CHP2: variants seen among roughly 807,000 people sequenced by gnomAD.
CHP2 encodes calcineurin like EF-hand protein 2.
In CHP2, 31 loss-of-function variants were observed where a neutral mutation model predicts 24.7. The ratio of observed to expected loss-of-function variants is 1.26; its 90% CI spans 0.94 to 1.69. The LOEUF (loss-of-function observed/expected upper bound fraction) is 1.69. Ranked by LOEUF, CHP2 falls within the 40% of genes most tolerant of loss-of-function variation. CHP2 has a pLI of 0.00. For missense variants in CHP2, 319 were observed against 261.5 expected (o/e 1.22, Z -1.52); for synonymous variants, 97 against 99.1 (o/e 0.98, Z 0.13).
At chr16:23,757,479 C>A (rs764479716) in intron 6 of CHP2, 51 bp from the exon 7 acceptor site, 12 of 1,597,496 alleles carry the variant, frequency 7.5e-6, no homozygotes, top group Non-Finnish European at 1.0e-5. Flanking sequence ...AGGTTGGGAG[C>A]ATGGAGAGCT....
Position 23,755,031 on chromosome 16 carries a change from T to C in CHP2, c.-19T>C. 6.4e-7 allele frequency: 1 copy of C among 1,573,446 alleles called. No homozygotes were observed. Among genetic ancestry groups the C allele is most frequent in the Non-Finnish European group, 8.6e-7 (1 of 1,163,916 alleles). On this transcript the variant is annotated 5_prime_UTR_variant, in exon 1 of 7. Coordinates refer to ENST00000300113, the MANE Select transcript of CHP2 (RefSeq NM_022097.4). ...TGGGTCCGGGTGGCTGCTCCGGCCC[T>C]TCCGCCTCCAGCTCGGCCATGGGGT...
rs16972893 is a variant in CHP2, at chr16:23,757,587, C to T, written c.*4C>T. On this transcript the variant is annotated 3_prime_UTR_variant, in exon 7 of 7. Transcript: ENST00000300113. ...GAGCATCCGGATCCTGAAGTGACTC[C>T]GTTTGTGCCTTGGGCTTGCTCCTGC... is the stretch of plus-strand genomic sequence containing the variant. 10,701 of 1,613,672 alleles carry T rather than the reference C, an allele frequency of 6.6e-3. 580 individuals are homozygous for T. The African/African-American group carries it at 0.12, about 18-fold the overall frequency.
Position 23,757,330 on chromosome 16 carries a change from G to C in CHP2, c.537+7G>C. On this transcript the variant is annotated splice_region_variant and intron_variant, in intron 6 of 6. Coordinates refer to ENST00000300113, the MANE Select transcript of CHP2 (RefSeq NM_022097.4). ...CTTCGTGGAGTTCACCAAGGTCAGA[G>C]TGCCCTTGGGGATTGGGGAGTTGAG... The C allele has an allele frequency of 6.2e-7, 1 of 1,608,188 alleles. No individual in the cohort carries two copies. Among genetic ancestry groups the C allele is most frequent in the East Asian group, 2.2e-5 (1 of 44,810 alleles).
intron 1 of CHP2, 94 bp from the exon 2 acceptor site, chr16:23,755,567 C>T: frequency 9.2e-7 from 1 of 1,088,370 alleles, no homozygotes; most frequent in Non-Finnish European, 1.4e-6. Flanking sequence ...AGCCAGCCCC[C>T]GCTGTTCTGG....
At chr16:23,757,070 G>C in intron 5 of CHP2, 131 bp from the exon 6 acceptor site, 1 of 1,076,602 alleles carries the variant, frequency 9.3e-7, no homozygotes, top group South Asian at 1.3e-5. Flanking sequence ...GGGGGATATG[G>C]TGAAAAATGG....
rs1301982521 is a variant in CHP2, at chr16:23,758,815, G to A, written c.*1232G>A. 1.3e-5 allele frequency: 2 copies of A among 152,238 alleles called. No homozygotes were observed. The highest frequency in any genetic ancestry group is 2.9e-5 in the Non-Finnish European group (2 of 68,070). The allele number at this position is 152,238 out of a possible 1,614,324, so 9.4% of individuals were successfully genotyped here. ...ACAAGAGATGCCCATTACTGTGAGG[G>A]ACCCTTGAAGTCTGGACTCTTAAAT... On this transcript the variant is annotated 3_prime_UTR_variant, in exon 7 of 7. Coordinates refer to ENST00000300113, the MANE Select transcript of CHP2 (RefSeq NM_022097.4).
chr16:23,755,912 G>A lies in CHP2; in HGVS notation c.206G>A (p.Ser69Asn). Residue 69 changes from serine to asparagine, a missense_variant, in exon 3 of 7, where the codon AGC (serine) becomes AAC (asparagine). By Grantham distance (46) the Ser-to-Asn change is conservative (BLOSUM62 1). Transcript: ENST00000300113. ...CCCCTGGGAGACCGAATTATAGAAAGCTTCTTCCCCGATGGGTGAGGCTTG... is the reference window on the plus strand; with the variant it reads ...CCCCTGGGAGACCGAATTATAGAAAACTTCTTCCCCGATGGGTGAGGCTTG... ...VNPLGDRIIE[S>N]FFPDGSQRVD... The A allele has an allele frequency of 6.2e-7, 1 of 1,614,190 alleles. No homozygotes were observed. The highest frequency in any genetic ancestry group is 8.5e-7 in the Non-Finnish European group (1 of 1,180,034).
At chr16:23,756,481 G>A (rs373651783) in intron 5 of CHP2, 32 bp downstream of exon 5, 2 of 1,577,752 alleles carry the variant, frequency 1.3e-6, no homozygotes, top group Non-Finnish European at 1.7e-6. Flanking sequence ...GAGATGTGAT[G>A]TGTGAAGGAT....
rs1043700713 is a variant in CHP2, at chr16:23,757,878, T to C, written c.*295T>C. The C allele has an allele frequency of 4.6e-6, 2 of 438,594 alleles. No individual in the cohort carries two copies. The highest frequency in any genetic ancestry group is 9.9e-5 in the East Asian group (2 of 20,196). 27.2% of individuals were successfully genotyped at this position (438,594 alleles called of 1,614,324 possible). ...TATTTCTATTATGATTACATTGTAA[T>C]ATATAATGAAATAATTATACAACTC... On this transcript the variant is annotated 3_prime_UTR_variant, in exon 7 of 7. Transcript: ENST00000300113.
chr16:23,755,943 C>G lies in CHP2; in HGVS notation c.221+16C>G, dbSNP rs753708777. 2 of 1,613,818 alleles carry G rather than the reference C, an allele frequency of 1.2e-6. No homozygotes were observed. Among genetic ancestry groups the G allele is most frequent in the African/African-American group, 2.7e-5 (2 of 74,864 alleles). On this transcript the variant is annotated intron_variant, in intron 3 of 6. Transcript: ENST00000300113. ...TCCCCGATGGGTGAGGCTTGCTGGG[C>G]GTGGGGAGGTGAAGGCGGGAAAACC...
In CHP2 at chr16:23,755,057, C is replaced by A. The variant is rs868014441; in HGVS notation, c.8C>A (p.Ser3Ter). The part of the protein sequence containing the change: MG[S>*]RSSHAAVIPD... ...TCCGCCTCCAGCTCGGCCATGGGGT[C>A]GCGCAGCTCCCACGCCGCGGTCATT... Residue 3 changes from serine to a stop codon, truncating the protein, a stop_gained, in exon 1 of 7, where the codon TCG (serine) becomes TAG (stop). Coordinates refer to ENST00000300113, the MANE Select transcript of CHP2 (RefSeq NM_022097.4). LOFTEE classifies it high-confidence loss of function. The A allele has an allele frequency of 1.3e-6, 2 of 1,594,946 alleles. No individual in the cohort carries two copies. The highest frequency in any genetic ancestry group is 1.7e-6 in the Non-Finnish European group (2 of 1,174,318).
In CHP2 at chr16:23,756,384, C is replaced by A; in HGVS notation, c.353-4C>A. On this transcript the variant is annotated splice_region_variant and splice_polypyrimidine_tract_variant and intron_variant, in intron 4 of 6. Transcript: ENST00000300113. ...TTCCTTTCCCCCTCCCACCCTCTCCCCAGATGCATTTCAGCTCTATGACCT... is the reference window on the plus strand; with the variant it reads ...TTCCTTTCCCCCTCCCACCCTCTCCACAGATGCATTTCAGCTCTATGACCT... 6.2e-7 allele frequency: 1 copy of A among 1,613,458 alleles called. No homozygotes were observed. The highest frequency in any genetic ancestry group is 1.1e-5 in the South Asian group (1 of 91,060).
Position 23,757,173 on chromosome 16 carries a change from TATG to T in CHP2, c.415-27_415-25del, listed in dbSNP as rs762794478. The stretch of plus-strand genomic sequence containing the variant: ...AGTTGCAGCCTTCGTGCCCCCTCCT[TATG>T]GCTGCCTCTTCACTCATCTCTCAGG... On this transcript the variant is annotated intron_variant, in intron 5 of 6. Coordinates refer to ENST00000300113, the MANE Select transcript of CHP2 (RefSeq NM_022097.4). 2.5e-6 allele frequency: 4 copies of T among 1,613,630 alleles called. No individual in the cohort carries two copies. In the Admixed American group the frequency reaches 6.7e-5, roughly 27 times the overall value.
chr16:23,757,259 A>T lies in CHP2; in HGVS notation c.473A>T (p.Asp158Val), dbSNP rs1961238425. Residue 158 changes from aspartate to valine, a missense_variant, in exon 6 of 7, where the codon GAC (aspartate) becomes GTC (valine). Coordinates refer to ENST00000300113, the MANE Select transcript of CHP2 (RefSeq NM_022097.4). ...VTEEQLENIA[D>V]RTVQEADEDG... ...GAAGAGCAGCTGGAGAACATCGCTGACCGCACGGTGCAGGAGGCTGATGAA... is the reference window on the plus strand; with the variant it reads ...GAAGAGCAGCTGGAGAACATCGCTGTCCGCACGGTGCAGGAGGCTGATGAA... The T allele has an allele frequency of 6.2e-7, 1 of 1,614,010 alleles. No homozygotes were observed. The highest frequency in any genetic ancestry group is 8.5e-7 in the Non-Finnish European group (1 of 1,179,994).
chr16:23,756,584 G>A, intron 5 of CHP2, 135 bp downstream of exon 5: 3 of 757,212 alleles, frequency 4.0e-6, no homozygotes, highest in East Asian at 2.7e-5. Context: ...AAATGGGAAT[G>A]GGTGCAGTTA....
At chr16:23,755,463 C>G in intron 1 of CHP2, 198 bp from the exon 2 acceptor site, 1 of 612,166 alleles carries the variant, frequency 1.6e-6, no homozygotes, top group South Asian at 1.9e-5. Context: ...TGCGAGCCGC[C>G]CGGGTCTTGA....
chr16:23,757,535 A>G lies in CHP2; in HGVS notation c.543A>G (p.Leu181=), dbSNP rs1961243528. 2 of 1,613,890 alleles carry G rather than the reference A, an allele frequency of 1.2e-6. No individual in the cohort carries two copies. The highest frequency in any genetic ancestry group is 2.7e-5 in the African/African-American group (2 of 74,878). The change falls in exon 7 of 7, where the codon TTA becomes TTG. Residue 181 remains leucine, a synonymous_variant. Coordinates refer to ENST00000300113, the MANE Select transcript of CHP2 (RefSeq NM_022097.4). The part of the protein sequence containing the change: ...AVSFVEFTKS[L]EKMDVEQKMS... ...GCCATTTGTTTTTCCCTCAGTCCTT[A>G]GAGAAGATGGACGTTGAGCAAAAAA...
intron 3 of CHP2, 45 bp from the exon 4 acceptor site, chr16:23,756,018 G>C: frequency 6.2e-7 from 1 of 1,613,720 alleles, no homozygotes; most frequent in Non-Finnish European, 8.5e-7. Flanking sequence ...CAAAGTGATG[G>C]CCAAGGTGAC....
rs901989623 is a variant in CHP2, at chr16:23,758,230, G to A, written c.*647G>A. On this transcript the variant is annotated 3_prime_UTR_variant, in exon 7 of 7. Coordinates refer to ENST00000300113, the MANE Select transcript of CHP2 (RefSeq NM_022097.4). ...TAACAGACCACAGACCCCACACCAG[G>A]TCTATCTCATTTGGTCTCAGAGCTG... The A allele has an allele frequency of 2.6e-5, 4 of 152,636 alleles. No homozygotes were observed. Among genetic ancestry groups the A allele is most frequent in the African/African-American group, 9.7e-5 (4 of 41,416 alleles). The allele number at this position is 152,636 out of a possible 1,614,324, so 9.5% of individuals were successfully genotyped here.
Sources: allele counts gnomAD v4.1 joint callset, GRCh38; gene constraint gnomAD v4.1.1; transcripts MANE v1.5; gene names NCBI Gene and HGNC (gene_info 2026-07-23, HGNC 2026-07-21).